The following NHS variants were observed in gnomAD, a reference collection of about 807,000 sequenced individuals.
The protein encoded by NHS is NHS actin remodeling regulator, also known as actin remodeling regulator NHS.
In NHS, 5 loss-of-function variants were observed where a neutral mutation model predicts 72.5. The ratio of observed to expected loss-of-function variants is 0.07; its 90% confidence interval spans 0.04 to 0.14. NHS has a LOEUF of 0.14. Among genes scored for constraint, NHS ranks in the 10% least tolerant of loss-of-function variants. NHS has a pLI of 1.00. For synonymous variants in NHS, 464 were observed against 547.7 expected, an observed-to-expected ratio of 0.85 and a Z score of 2.13; for missense variants, 1,072 against 1,355.7, an observed-to-expected ratio of 0.79 and a Z score of 3.29.
intron 3 of NHS, among the ~76,000 whole-genome samples, chrX:17,712,034 A>C (rs1457755489): frequency 9.3e-6 from 1 of 107,499 alleles, no homozygotes; most frequent in Non-Finnish European, 1.9e-5. Context: ...CATATGTTTA[A>C]GATTAGATAC....
intron 1 of NHS, among the ~76,000 whole-genome samples, chrX:17,677,438 A>G (rs957738197): frequency 3.6e-5 from 4 of 111,311 alleles, no homozygotes; most frequent in African/African-American, 1.3e-4. Context: ...ATATATATAT[A>G]TCAAACACTA....
intron 1 of NHS, among the ~76,000 whole-genome samples, chrX:17,445,430 A>G (rs1342691013): frequency 9.0e-6 from 1 of 111,144 alleles, no homozygotes; most frequent in Non-Finnish European, 1.9e-5. Flanking sequence ...GTTTGTGCTA[A>G]ATGATTTTTT....
chrX:17,613,397 G>A (rs184510558), intron 1 of NHS, among the ~76,000 whole-genome samples: 248 of 111,472 alleles, frequency 2.2e-3, no homozygotes, highest in Non-Finnish European at 4.0e-3. Flanking sequence ...ATGGCCATTC[G>A]TACTACAAGA....
At chrX:17,402,569 C>T (rs1462667070) in intron 1 of NHS, among the ~76,000 whole-genome samples, 1 of 111,969 alleles carries the variant, frequency 8.9e-6, no homozygotes, top group East Asian at 2.8e-4. Flanking sequence ...TTTGCATGAT[C>T]TTAATGATAT....
rs145266639 is a variant in NHS at position 17,524,895 on chromosome X, C to A, written c.565+148573C>A. 1.6e-3 allele frequency among the ~76,000 whole-genome samples: 183 copies of A among 112,381 alleles called. 2 individuals carry two copies. Among genetic ancestry groups the A allele is most frequent in the South Asian group, 0.012 (33 of 2,687 alleles). On this transcript the variant is annotated intron_variant, in intron 1 of 8. Coordinates refer to ENST00000676302, the MANE Select transcript of NHS (RefSeq NM_001291867.2). ...CTTTAGCATTCATTGAGGATTCTTGCCTGGATAATGATTTACTCTAATGGT... is the reference window on the plus strand; with the variant it reads ...CTTTAGCATTCATTGAGGATTCTTGACTGGATAATGATTTACTCTAATGGT...
In NHS at chrX:17,687,907, G is replaced by C. The variant is rs753235773; in HGVS notation, c.718+13G>C. 26 of 1,205,719 alleles carry C rather than the reference G, an allele frequency of 2.2e-5. No homozygotes were observed. The East Asian group carries it at 7.1e-4, about 33-fold the overall frequency. Reference sequence around the variant, plus strand: ...GCCCTGCGCAGAGGTGACAGATCCTGGGCTTGGGGGCTTTTGCGGGAGACA... The same window carrying C: ...GCCCTGCGCAGAGGTGACAGATCCTCGGCTTGGGGGCTTTTGCGGGAGACA... On this transcript the variant is annotated intron_variant, in intron 2 of 8. Coordinates refer to ENST00000676302, the MANE Select transcript of NHS (RefSeq NM_001291867.2).
At chrX:17,621,155 C>G (rs947344036) in intron 1 of NHS, among the ~76,000 whole-genome samples, 5 of 112,481 alleles carry the variant, frequency 4.4e-5, no homozygotes, top group African/African-American at 1.6e-4. Context: ...GGTCTGGAAC[C>G]GCTTGGGAGG....
chrX:17,591,616 A>G (rs1203841588), intron 1 of NHS, among the ~76,000 whole-genome samples: 1 of 111,620 alleles, frequency 9.0e-6, no homozygotes, highest in Non-Finnish European at 1.9e-5. Flanking sequence ...TAAACTGTGT[A>G]ATAAATTGCC....
At chrX:17,501,364 A>AG (rs1446652264) in intron 1 of NHS, among the ~76,000 whole-genome samples, 1 of 109,075 alleles carries the variant, frequency 9.2e-6, no homozygotes, top group Non-Finnish European at 1.9e-5. Context: ...AGAAAAAAAA[A>AG]AAGTGGGGGG....
At chrX:17,720,235 C>G (rs1343589911) in intron 4 of NHS, among the ~76,000 whole-genome samples, 1 of 110,983 alleles carries the variant, frequency 9.0e-6, no homozygotes, top group African/African-American at 3.3e-5. Context: ...TAAGTAAATG[C>G]TGGGGGTGAG....
intron 1 of NHS, among the ~76,000 whole-genome samples, chrX:17,560,605 C>T (rs746065341): frequency 2.7e-5 from 3 of 112,077 alleles, no homozygotes; most frequent in Non-Finnish European, 5.6e-5. Context: ...AATATTCTGA[C>T]TTGTTGTCAT....
intron 1 of NHS, among the ~76,000 whole-genome samples, chrX:17,514,074 T>C (rs1219383973): frequency 9.0e-6 from 1 of 111,541 alleles, no homozygotes; most frequent in Non-Finnish European, 1.9e-5. Flanking sequence ...TCAGATCTCA[T>C]GAGACTTTTT....
rs1437762322 is a variant in NHS, at chrX:17,726,790, C to G, written c.2684C>G (p.Ala895Gly). ...SREMKLPLDF[A>G]NTPSRMENAN... ...GAAATGAAGCTGCCTCTTGATTTCG[C>G]CAACACGCCTTCTCGAATGGAAAAC... The change falls in exon 7 of 9, where the codon GCC becomes GGC. Residue 895 changes from alanine (A) to glycine (G), a missense_variant. Physicochemically the swap from Ala to Gly is moderately conservative, Grantham distance 60. Transcript: ENST00000676302. 8.3e-7 allele frequency: 1 copy of G among 1,211,837 alleles called. No individual in the cohort carries two copies. Among genetic ancestry groups the G allele is most frequent in the Admixed American group, 2.2e-5 (1 of 46,058 alleles).
intron 1 of NHS, chrX:17,557,350 TTGC>T: frequency 9.4e-6 from 1 of 106,833 alleles, no homozygotes; most frequent in African/African-American, 3.5e-5. Context: ...TATATATATC[TTGC>T]ATTTCAATTT....
chrX:17,559,106 AC>A (rs1251470190), intron 1 of NHS, among the ~76,000 whole-genome samples: 1 of 111,951 alleles, frequency 8.9e-6, no homozygotes, highest in African/African-American at 3.3e-5. Context: ...GTGCAAATCT[AC>A]CTGTTTTCTA....
At chrX:17,568,548 G>GA (rs1182996055) in intron 1 of NHS, among the ~76,000 whole-genome samples, 1 of 105,019 alleles carries the variant, frequency 9.5e-6, no homozygotes, top group East Asian at 2.9e-4. Flanking sequence ...TTAATGAAAC[G>GA]AAAGTTTATT....
intron 1 of NHS, among the ~76,000 whole-genome samples, chrX:17,514,551 T>C (rs1480385905): frequency 8.9e-6 from 1 of 112,151 alleles, no homozygotes; most frequent in Non-Finnish European, 1.9e-5. Context: ...TTTTGGGACT[T>C]GGACTGGCTT....
At chrX:17,406,911 G>C (rs1360803553) in intron 1 of NHS, among the ~76,000 whole-genome samples, 4 of 112,137 alleles carry the variant, frequency 3.6e-5, no homozygotes, top group African/African-American at 1.3e-4. Context: ...GGGGCAAAGA[G>C]GGTGAGGATG....
At chrX:17,650,150 G>A (rs374967260) in intron 1 of NHS, among the ~76,000 whole-genome samples, 1 of 112,677 alleles carries the variant, frequency 8.9e-6, no homozygotes, top group Non-Finnish European at 1.9e-5. Context: ...TGGGATCCTC[G>A]AGGTCACCCT....
Sources: gnomAD v4.1 joint callset for allele counts (sites outside exome capture counted in the v4.1 genomes callset) on GRCh38, gnomAD v4.1.1 for gene constraint, MANE v1.5 for transcripts, NCBI Gene and HGNC (gene_info 2026-07-23, HGNC 2026-07-21) for gene names.